Variants in COL5A1 observed in about 807,000 individuals in gnomAD.
COL5A1 encodes the protein collagen alpha-1(V) chain.
Under a neutral mutation model 263.7 loss-of-function variants are expected in COL5A1, and 16 were observed. The ratio of observed to expected loss-of-function variants is 0.06; its 90% CI spans 0.04 to 0.09. COL5A1 has a LOEUF of 0.09. Ranked by LOEUF, COL5A1 falls within the 10% of genes least tolerant of loss-of-function variation. COL5A1 has a pLI of 1.00. For missense variants in COL5A1, 2,036 were observed against 2,540.5 expected, an observed-to-expected ratio of 0.80 and a Z score of 4.27; for synonymous variants, 1,012 against 1,004.5, an observed-to-expected ratio of 1.01 and a Z score of -0.14.
intron 34 of COL5A1, among the ~76,000 whole-genome samples, 157 bp from the exon 35 acceptor site, chr9:134,796,217 G>A (rs1486376665): frequency 6.6e-6 from 1 of 152,232 alleles, no homozygotes; most frequent in Non-Finnish European, 1.5e-5. Context: ...ACAGATCAGC[G>A]CCAATGCCTT....
At chr9:134,812,084 T>C (rs1258947625) in intron 46 of COL5A1, among the ~76,000 whole-genome samples, 1 of 152,226 alleles carries the variant, frequency 6.6e-6, no homozygotes, top group Non-Finnish European at 1.5e-5. Context: ...TTGAATGCCA[T>C]TACACATGAC....
chr9:134,783,560 G>A (rs1322077059), intron 29 of COL5A1, among the ~76,000 whole-genome samples: 3 of 152,160 alleles, frequency 2.0e-5, no homozygotes, highest in African/African-American at 4.8e-5. Flanking sequence ...GGGCACAGCC[G>A]TGGTGACAGC....
Position 134,701,240 on chromosome 9 carries a change from C to A in COL5A1, c.561C>A (p.Thr187=). Residue 187 remains threonine (T), a synonymous_variant, in exon 4 of 66, where the codon ACC becomes ACA. Coordinates refer to ENST00000371817, the MANE Select transcript of COL5A1 (RefSeq NM_000093.5). ...VTLILDCKKK[T]TKFLDRSDHP... is the part of the protein sequence containing the mutation. ...TGATCCTCGACTGTAAAAAGAAGAC[C>A]ACCAAATTCCTCGACCGCAGCGACC... is the stretch of plus-strand genomic sequence containing the variant. 2 of 1,613,986 alleles carry A rather than the reference C, an allele frequency of 1.2e-6. No homozygotes were observed. The highest frequency in any genetic ancestry group is 1.7e-6 in the Non-Finnish European group (2 of 1,180,008).
At chr9:134,813,952 G>T (rs113355204) in intron 48 of COL5A1, 31 bp from the exon 49 acceptor site, 1 of 1,550,096 alleles carries the variant, frequency 6.5e-7, no homozygotes, top group South Asian at 1.2e-5. Flanking sequence ...GGTGCTCACC[G>T]CTGCCATAAC....
chr9:134,791,862 C>T (rs1231524319), intron 32 of COL5A1, among the ~76,000 whole-genome samples: 1 of 152,174 alleles, frequency 6.6e-6, no homozygotes, highest in Admixed American at 6.5e-5. Context: ...GTGGTCAAAG[C>T]AGACATCCCT....
chr9:134,785,887 A>G, intron 30 of COL5A1, 108 bp from the exon 31 acceptor site: 1 of 1,049,032 alleles, frequency 9.5e-7, no homozygotes, highest in Non-Finnish European at 1.5e-6. Context: ...TCTGGAAACC[A>G]CACCCTCCTC....
chr9:134,739,277 G>C (rs1390880588), intron 11 of COL5A1, among the ~76,000 whole-genome samples: 1 of 152,226 alleles, frequency 6.6e-6, no homozygotes, highest in Non-Finnish European at 1.5e-5. Context: ...GATGGAGGGA[G>C]AGCTGCTCCC....
In COL5A1 at chr9:134,829,853, G is replaced by GC. The variant is rs57187666; in HGVS notation, c.5068-116dup. The GC allele has an allele frequency of 1.4e-3, 1,570 of 1,087,834 alleles. 2 individuals carry two copies. The highest frequency in any genetic ancestry group is 2.0e-3 in the African/African-American group (125 of 63,442). 67.4% of individuals were successfully genotyped at this position (1,087,834 alleles called of 1,614,324 possible). ...AGGCGCTCGGTGGGTCCTCCCTGCA[G>GC]CCCCCCCGGCGTGAGGATGCAGGCG... is the stretch of plus-strand genomic sequence containing the variant. On this transcript the variant is annotated intron_variant, in intron 63 of 65. Coordinates refer to ENST00000371817, the MANE Select transcript of COL5A1 (RefSeq NM_000093.5).
At chr9:134,786,892 C>G (rs553638897) in intron 31 of COL5A1, among the ~76,000 whole-genome samples, 1 of 152,180 alleles carries the variant, frequency 6.6e-6, no homozygotes. Context: ...AACAGGAGGA[C>G]GGGCGTGGTG....
At chr9:134,753,733 A>C (rs1298040938) in intron 14 of COL5A1, 117 bp from the exon 15 acceptor site, 4 of 761,642 alleles carry the variant, frequency 5.3e-6, no homozygotes, top group East Asian at 2.6e-5. Flanking sequence ...TTGTGTGCTG[A>C]GCACCGTGGC....
chr9:134,695,255 C>G (rs900525153), intron 2 of COL5A1, among the ~76,000 whole-genome samples: 1 of 152,234 alleles, frequency 6.6e-6, no homozygotes, highest in African/African-American at 2.4e-5. Flanking sequence ...CCACACCCCC[C>G]TGCCCCTTGG....
At position 134,727,358 on chromosome 9, in the gene COL5A1, T is replaced by C. The variant is rs763323014; in HGVS notation, c.747T>C (p.Pro249=). 10 of 1,614,004 alleles carry C rather than the reference T, an allele frequency of 6.2e-6. No individual in the cohort carries two copies. The highest frequency in any genetic ancestry group is 7.6e-6 in the Non-Finnish European group (9 of 1,179,996). ...HYSPDCDTAV[P]DTPQSQDPNP... Reference sequence around the variant, plus strand: ...GCCCTGACTGTGACACCGCAGTACCTGACACCCCACAGTCGCAGGACCCCA... The same window carrying C: ...GCCCTGACTGTGACACCGCAGTACCCGACACCCCACAGTCGCAGGACCCCA... The change falls in exon 5 of 66, where the codon CCT becomes CCC. Residue 249 remains proline, a synonymous_variant. Coordinates refer to ENST00000371817, the MANE Select transcript of COL5A1 (RefSeq NM_000093.5).
intron 59 of COL5A1, among the ~76,000 whole-genome samples, chr9:134,822,687 C>A (rs530815909): frequency 2.7e-5 from 4 of 150,212 alleles, no homozygotes; most frequent in Non-Finnish European, 5.9e-5. Context: ...TCCATCAGCC[C>A]CTTCTGAGCC....
At chr9:134,736,430 AC>A (rs1835100217) in intron 9 of COL5A1, among the ~76,000 whole-genome samples, 1 of 152,098 alleles carries the variant, frequency 6.6e-6, no homozygotes, top group South Asian at 2.1e-4. Context: ...GCCCACTCCC[AC>A]CCTAACGAGC....
intron 28 of COL5A1, 84 bp from the exon 29 acceptor site, chr9:134,782,583 T>G: frequency 5.6e-6 from 7 of 1,257,740 alleles, no homozygotes; most frequent in Non-Finnish European, 7.0e-6. Flanking sequence ...TGGTGCTGAG[T>G]GTGGTTGTTT....
chr9:134,823,850 TTGTATGTGCATG>T (rs1306984522), intron 61 of COL5A1, among the ~76,000 whole-genome samples: 5 of 138,248 alleles, frequency 3.6e-5, no homozygotes, highest in Admixed American at 7.3e-5. Context: ...TGTACATGGT[TTGTATGTGCATG>T]TGTGTGTGCA....
chr9:134,831,322 G>A (rs753182905), intron 64 of COL5A1, among the ~76,000 whole-genome samples: 5 of 152,234 alleles, frequency 3.3e-5, no homozygotes, highest in African/African-American at 4.8e-5. Flanking sequence ...CAGACACTCC[G>A]AGGGTCTGTG....
intron 1 of COL5A1, among the ~76,000 whole-genome samples, chr9:134,667,837 C>A (rs1832406713): frequency 1.3e-5 from 2 of 152,198 alleles, no homozygotes; most frequent in Admixed American, 1.3e-4. Context: ...AGAAAAGGAG[C>A]TGAAATCCCT....
At chr9:134,737,923 C>T (rs533331913) in intron 9 of COL5A1, among the ~76,000 whole-genome samples, 125 of 152,252 alleles carry the variant, frequency 8.2e-4, no homozygotes, top group African/African-American at 2.8e-3. Context: ...TTCTGGGCTG[C>T]TGCGTGCATG....
Sources: gnomAD v4.1 joint callset for allele counts (sites outside exome capture counted in the v4.1 genomes callset) on GRCh38, gnomAD v4.1.1 for gene constraint, MANE v1.5 for transcripts, NCBI Gene and HGNC (gene_info 2026-07-23, HGNC 2026-07-21) for gene names.